Variants in LRBA observed in about 807,000 individuals in gnomAD.
LRBA encodes the protein LPS responsive beige-like anchor protein, also known as lipopolysaccharide-responsive and beige-like anchor protein.
Under a neutral mutation model 330.0 loss-of-function variants are expected in LRBA, and 176 were observed. The observed-to-expected ratio is 0.53, with a 90% confidence interval of 0.47 to 0.60. The LOEUF (loss-of-function observed/expected upper bound fraction) is 0.60. Ranked by LOEUF, LRBA falls within the 20% of genes least tolerant of loss-of-function variation. The pLI, the probability that LRBA is intolerant of heterozygous loss-of-function variation, is 0.00. For missense variants in LRBA, 3,259 were observed against 3,444.8 expected, an observed-to-expected ratio of 0.95 and a Z score of 1.35; for synonymous variants, 1,230 against 1,193.0, an observed-to-expected ratio of 1.03 and a Z score of -0.64.
intron 56 of LRBA, among the ~76,000 whole-genome samples, chr4:150,272,589 A>C (rs1302085056): frequency 8.6e-5 from 13 of 152,018 alleles, no homozygotes; most frequent in Admixed American, 8.5e-4. Context: ...CGAATTGCTA[A>C]CTAGAATAAC....
intron 32 of LRBA, 34 bp downstream of exon 32, chr4:150,808,286 T>C: frequency 3.6e-6 from 5 of 1,376,160 alleles, no homozygotes; most frequent in Non-Finnish European, 5.1e-6. Flanking sequence ...TCAAAAGGTA[T>C]AAATCACAAT....
intron 42 of LRBA, among the ~76,000 whole-genome samples, chr4:150,472,650 C>A (rs1402587710): frequency 6.6e-6 from 1 of 152,078 alleles, no homozygotes; most frequent in African/African-American, 2.4e-5. Context: ...AATCTTCATT[C>A]CTATCCCCAC....
At chr4:150,917,010 G>A (rs751610631) in intron 5 of LRBA, among the ~76,000 whole-genome samples, 15 of 151,954 alleles carry the variant, frequency 9.9e-5, no homozygotes, top group African/African-American at 2.4e-4. Context: ...AAAATTAGCC[G>A]GGTACGGTGG....
At chr4:150,915,413 G>A (rs1033635875) in intron 8 of LRBA, among the ~76,000 whole-genome samples, 195 bp downstream of exon 8, 7 of 151,936 alleles carry the variant, frequency 4.6e-5, no homozygotes, top group African/African-American at 1.5e-4. Context: ...CTACCTATAT[G>A]GAATGATTTT....
intron 40 of LRBA, among the ~76,000 whole-genome samples, chr4:150,548,775 T>A (rs1042368035): frequency 6.6e-6 from 1 of 152,226 alleles, no homozygotes; most frequent in African/African-American, 2.4e-5. Context: ...TGCTAACTGC[T>A]ATTACATGAA....
intron 40 of LRBA, among the ~76,000 whole-genome samples, chr4:150,569,849 G>T (rs552275467): frequency 4.5e-4 from 69 of 151,910 alleles, no homozygotes; most frequent in African/African-American, 1.7e-3. Context: ...ACAAAGAAAA[G>T]AACTGACCTG....
At chr4:150,279,631 A>T (rs187303529) in intron 55 of LRBA, among the ~76,000 whole-genome samples, 1 of 152,362 alleles carries the variant, frequency 6.6e-6, no homozygotes, top group East Asian at 1.9e-4. Context: ...CCAAATGCCA[A>T]CTTTTAGTAG....
chr4:150,293,719 A>T (rs2126810385), intron 53 of LRBA, among the ~76,000 whole-genome samples: 1 of 152,314 alleles, frequency 6.6e-6, no homozygotes, highest in South Asian at 2.1e-4. Flanking sequence ...ACTAAGGTTG[A>T]CCCTTGAACA....
At chr4:150,401,985 ACCTGAGAAAAGTG>A (rs1448807421) in intron 47 of LRBA, among the ~76,000 whole-genome samples, 1 of 152,046 alleles carries the variant, frequency 6.6e-6, no homozygotes, top group Non-Finnish European at 1.5e-5. Flanking sequence ...ACAATAGTGA[ACCTGAGAAAAGTG>A]TATAAGAATT....
chr4:150,501,328 C>G (rs1340333286), intron 40 of LRBA, among the ~76,000 whole-genome samples: 1 of 152,144 alleles, frequency 6.6e-6, no homozygotes, highest in Admixed American at 6.5e-5. Flanking sequence ...TGTCTACAAT[C>G]AGGCCAGATG....
At chr4:150,496,081 A>G (rs892177736) in intron 40 of LRBA, among the ~76,000 whole-genome samples, 3 of 152,106 alleles carry the variant, frequency 2.0e-5, no homozygotes, top group African/African-American at 7.2e-5. Flanking sequence ...TATTCTATTT[A>G]TTTACTGTAA....
At chr4:150,986,104 T>C (rs1433470076) in intron 2 of LRBA, among the ~76,000 whole-genome samples, 2 of 152,166 alleles carry the variant, frequency 1.3e-5, no homozygotes, top group African/African-American at 2.4e-5. Context: ...ATTTACAATG[T>C]AGAATTGAAC....
At chr4:150,527,221 C>G (rs13138244) in intron 40 of LRBA, among the ~76,000 whole-genome samples, 91,541 of 151,964 alleles carry the variant, frequency 0.6, 30,992 homozygotes, top group Non-Finnish European at 0.75. Context: ...AATATAGAAA[C>G]TTTTCAACCA....
Position 150,963,160 on chromosome 4 carries a change from C to T in LRBA, c.217-34095G>A, listed in dbSNP as rs1738357975. ...CAATGAATTTAATCCCTCTCCCTCT[C>T]ACTCTGCCTCTCCCCCTCCCCCTCC... On this transcript the variant is annotated intron_variant, in intron 2 of 56. Coordinates refer to ENST00000651943, the MANE Select transcript of LRBA (RefSeq NM_001364905.1). 1.3e-5 allele frequency among the ~76,000 whole-genome samples: 2 copies of T among 148,456 alleles called. 1 individual carries two copies. Among genetic ancestry groups the T allele is most frequent in the Admixed American group, 1.3e-4 (2 of 15,168 alleles).
intron 33 of LRBA, among the ~76,000 whole-genome samples, chr4:150,802,117 G>T (rs1479626011): frequency 6.6e-6 from 1 of 150,992 alleles, no homozygotes; most frequent in African/African-American, 2.4e-5. Context: ...CTACTTGAGA[G>T]GCTAAGGTGG....
chr4:151,004,827 G>C (rs1054084860), intron 2 of LRBA, among the ~76,000 whole-genome samples: 2 of 151,686 alleles, frequency 1.3e-5, no homozygotes, highest in Middle Eastern at 3.2e-3. Context: ...CTCTACTCAA[G>C]TACAAAAAAT....
intron 2 of LRBA, among the ~76,000 whole-genome samples, chr4:150,953,592 T>TG (rs34724932): frequency 0.13 from 20,228 of 151,924 alleles, 2,057 homozygotes; most frequent in African/African-American, 0.27. Flanking sequence ...CTCCAGCTCC[T>TG]ACCGCGAGTG....
At position 150,605,964 on chromosome 4, in the gene LRBA, T is replaced by C. The variant is rs1443182152; in HGVS notation, c.5922-6833A>G. Among the ~76,000 whole-genome samples the C allele has an allele frequency of 3.3e-5, 5 of 152,162 alleles. No individual in the cohort carries two copies. In the East Asian group the frequency reaches 7.7e-4, roughly 23 times the overall value. ...ATACTAAAGCAGAATTCTTTCTTTA[T>C]TGAGGCCTGACATTGAGACACTGGA... On this transcript the variant is annotated intron_variant, in intron 37 of 56. Coordinates refer to ENST00000651943, the MANE Select transcript of LRBA (RefSeq NM_001364905.1).
chr4:150,310,890 TG>T (rs1203965656), intron 51 of LRBA: 1 of 152,438 alleles, frequency 6.6e-6, no homozygotes, highest in Non-Finnish European at 1.5e-5. Context: ...TTTGACTAGA[TG>T]GGAACTCCCA....
Sources: allele counts gnomAD v4.1 joint callset (sites outside exome capture counted in the v4.1 genomes callset), GRCh38; gene constraint gnomAD v4.1.1; transcripts MANE v1.5; gene names NCBI Gene and HGNC (gene_info 2026-07-23, HGNC 2026-07-21).